The following PXDN variants were observed in gnomAD, a reference collection of about 807,000 sequenced individuals.
PXDN encodes peroxidasin.
In PXDN, 77 loss-of-function variants were observed where a neutral mutation model predicts 140.3. The observed-to-expected ratio is 0.55, with a 90% CI of 0.46 to 0.66. The LOEUF (loss-of-function observed/expected upper bound fraction) is 0.66. PXDN is among the 30% of genes least tolerant of loss of function. The probability of loss-of-function intolerance (pLI) is 0.00; values close to 1 mark genes in which losing one functional copy is unlikely to be tolerated. For missense variants in PXDN, 1,838 were observed against 2,039.5 expected, an observed-to-expected ratio of 0.90 and a Z score of 1.90; for synonymous variants, 911 against 857.4, an observed-to-expected ratio of 1.06 and a Z score of -1.09.
intron 1 of PXDN, among the ~76,000 whole-genome samples, chr2:1,721,396 T>C (rs559050861): frequency 6.7e-4 from 102 of 152,278 alleles, no homozygotes; most frequent in African/African-American, 2.3e-3. Context: ...GCAAAACAAA[T>C]GGATGAATCA....
Position 1,639,674 on chromosome 2 carries a change from C to A in PXDN, c.3953-252G>T, listed in dbSNP as rs1343196058. 6.6e-6 allele frequency among the ~76,000 whole-genome samples: 1 copy of A among 152,172 alleles called. No individual in the cohort carries two copies. The highest frequency in any genetic ancestry group is 1.9e-4 in the East Asian group (1 of 5,166). ...GCCGCCCTGAGGACAGCTGGGCACA[C>A]TGAGGAGGCTCACCACGCCATCTAA... On this transcript the variant is annotated intron_variant, in intron 19 of 22. Coordinates refer to ENST00000252804, the MANE Select transcript of PXDN (RefSeq NM_012293.3). This position sits in a 1 kb window ranked among gnomAD's most constrained non-coding sequence, Gnocchi z 5.0.
intron 6 of PXDN, among the ~76,000 whole-genome samples, chr2:1,681,529 G>C (rs754329747): frequency 6.6e-6 from 1 of 151,426 alleles, no homozygotes; most frequent in Non-Finnish European, 1.5e-5. Context: ...GGGCGGCAGC[G>C]TGAGGGCATC....
intron 12 of PXDN, 24 bp from the exon 13 acceptor site, chr2:1,662,208 CAGG>C: frequency 6.4e-7 from 1 of 1,551,936 alleles, no homozygotes; most frequent in Non-Finnish European, 8.8e-7. Context: ...GTAGAGAATC[CAGG>C]AGAACGAGTC....
At position 1,686,592 on chromosome 2, in the gene PXDN, C is replaced by CT. The variant is rs139630037; in HGVS notation, c.416+1039dup. 3.5e-3 allele frequency among the ~76,000 whole-genome samples: 535 copies of CT among 152,282 alleles called. 4 individuals carry two copies. Among genetic ancestry groups the CT allele is most frequent in the African/African-American group, 0.012 (503 of 41,572 alleles). On this transcript the variant is annotated intron_variant, in intron 4 of 22. Transcript: ENST00000252804. The stretch of plus-strand genomic sequence containing the variant: ...ATATGAGAACTTGCTCCTTTGCAAG[C>CT]TCTCCCTACATCTGGGTGTTCCCTG...
At chr2:1,721,443 A>C (rs1685049058) in intron 1 of PXDN, among the ~76,000 whole-genome samples, 1 of 152,248 alleles carries the variant, frequency 6.6e-6, no homozygotes, top group South Asian at 2.1e-4. Flanking sequence ...GGATTCAGCC[A>C]ACCAGCAGGC....
chr2:1,720,236 A>G (rs1220868116), intron 1 of PXDN, among the ~76,000 whole-genome samples: 5 of 109,940 alleles, frequency 4.5e-5, no homozygotes, highest in African/African-American at 1.2e-4. Context: ...AGAGAGAGAG[A>G]GAGGGAGGGA....
At position 1,660,236 on chromosome 2, in the gene PXDN, T is replaced by A. The variant is rs1683271008; in HGVS notation, c.1837+645A>T. 6.6e-6 allele frequency among the ~76,000 whole-genome samples: 1 copy of A among 151,822 alleles called. No individual in the cohort carries two copies. ...TCATGGGCATCATGGGGTCTGTGGG[T>A]TGAGAAAGAGGGGCCAGAGTGACCC... is the stretch of plus-strand genomic sequence containing the variant. On this transcript the variant is annotated intron_variant, in intron 14 of 22. Transcript: ENST00000252804. The surrounding 1 kb of genome is among the most constrained non-coding windows in gnomAD (Gnocchi z 4.6).
intron 1 of PXDN, 99 bp from the exon 2 acceptor site, chr2:1,693,233 A>G: frequency 1.0e-6 from 1 of 991,326 alleles, no homozygotes; most frequent in Non-Finnish European, 1.5e-6. Flanking sequence ...CAATGCATTT[A>G]AAATATTAAA....
At chr2:1,675,000 G>C (rs1572148465) in intron 8 of PXDN, among the ~76,000 whole-genome samples, 1 of 152,172 alleles carries the variant, frequency 6.6e-6, no homozygotes, top group Non-Finnish European at 1.5e-5. Context: ...AAACCGTCGG[G>C]AACACTCGAA....
chr2:1,743,362 C>G (rs1462010250), intron 1 of PXDN, among the ~76,000 whole-genome samples: 1 of 152,232 alleles, frequency 6.6e-6, no homozygotes, highest in Admixed American at 6.5e-5. Context: ...CCGGCTCCAT[C>G]TAGACCCGGG....
At chr2:1,679,040 G>A (rs1377164462) in intron 7 of PXDN, among the ~76,000 whole-genome samples, 1 of 152,122 alleles carries the variant, frequency 6.6e-6, no homozygotes, top group Admixed American at 6.5e-5. Context: ...CCATCACACA[G>A]GGAGATCCTT....
intron 3 of PXDN, among the ~76,000 whole-genome samples, chr2:1,688,734 T>C (rs989659829): frequency 6.6e-6 from 1 of 152,002 alleles, no homozygotes; most frequent in Non-Finnish European, 1.5e-5. Flanking sequence ...CTTTTCCTAC[T>C]TTTCAAATTC....
intron 11 of PXDN, 79 bp from the exon 12 acceptor site, chr2:1,663,842 A>G (rs575471058): frequency 1.9e-6 from 3 of 1,545,736 alleles, no homozygotes; most frequent in South Asian, 2.4e-5. Flanking sequence ...GCATGACCAC[A>G]GAAGCTTGTC....
intron 1 of PXDN, among the ~76,000 whole-genome samples, chr2:1,707,971 C>G (rs903916486): frequency 6.6e-6 from 1 of 152,268 alleles, no homozygotes; most frequent in Non-Finnish European, 1.5e-5. Context: ...GGAAACCAAA[C>G]GCAGGCAATC....
intron 7 of PXDN, among the ~76,000 whole-genome samples, chr2:1,678,577 G>C (rs759405604): frequency 1.3e-5 from 2 of 152,178 alleles, no homozygotes; most frequent in Non-Finnish European, 2.9e-5. Flanking sequence ...GCCATGAGTC[G>C]GTTTCTTGGA....
Position 1,679,630 on chromosome 2 carries a change from G to A in PXDN, c.730+563C>T, listed in dbSNP as rs1333462600. Among the ~76,000 whole-genome samples, 8 of 78,336 alleles carry A rather than the reference G, an allele frequency of 1.0e-4. No individual in the cohort carries two copies. The East Asian group carries it at 1.1e-3, about 11-fold the overall frequency. The allele number at this position is 78,336 out of a possible 152,430, so 51.4% of individuals were successfully genotyped here. A position where few individuals can be genotyped will look rare whatever the true frequency, so the allele number is the denominator to read the frequency against. Reference sequence around the variant, plus strand: ...GTGTGTGTGTGGTTTGTGTCTGCACGTGTGTGTGTCTATAAATGGTGTGTG... The same window carrying A: ...GTGTGTGTGTGGTTTGTGTCTGCACATGTGTGTGTCTATAAATGGTGTGTG... On this transcript the variant is annotated intron_variant, in intron 7 of 22. Transcript: ENST00000252804.
In PXDN at chr2:1,691,077, C is replaced by A. The variant is rs909343802; in HGVS notation, c.344+851G>T. 2.4e-4 allele frequency among the ~76,000 whole-genome samples: 37 copies of A among 152,142 alleles called. 1 individual carries two copies. The highest frequency in any genetic ancestry group is 2.4e-3 in the Admixed American group (37 of 15,280). On this transcript the variant is annotated intron_variant, in intron 3 of 22. Coordinates refer to ENST00000252804, the MANE Select transcript of PXDN (RefSeq NM_012293.3). ...CTATGTAACAAACCTGCACGTTCTG[C>A]ACAGGTATCCCAGAACTTAAAGTAA... is the stretch of plus-strand genomic sequence containing the variant.
At chr2:1,721,474 C>T (rs1366767158) in intron 1 of PXDN, among the ~76,000 whole-genome samples, 2 of 152,194 alleles carry the variant, frequency 1.3e-5, no homozygotes, top group African/African-American at 4.8e-5. Context: ...TCTTCACAAA[C>T]CAAGCCCAGG....
In PXDN at chr2:1,687,270, CCT is replaced by C. The variant is rs980188232; in HGVS notation, c.416+360_416+361del. ...CTCCCCGGGCACCCTGGATATTTCCCCTGTGAAGGATGCCTTGATCGGACTTG... is the reference window on the plus strand; with the variant it reads ...CTCCCCGGGCACCCTGGATATTTCCCGTGAAGGATGCCTTGATCGGACTTG... On this transcript the variant is annotated intron_variant, in intron 4 of 22. Transcript: ENST00000252804. The surrounding 1 kb of genome is among the most constrained non-coding windows in gnomAD (Gnocchi z 4.0). 1.3e-5 allele frequency among the ~76,000 whole-genome samples: 2 copies of C among 152,342 alleles called. No individual in the cohort carries two copies. The highest frequency in any genetic ancestry group is 2.9e-5 in the Non-Finnish European group (2 of 68,040).
Sources: gnomAD v4.1 joint callset for allele counts (sites outside exome capture counted in the v4.1 genomes callset) on GRCh38, gnomAD v4.1.1 for gene constraint, Gnocchi (gnomAD v3.1) non-coding constraint, MANE v1.5 for transcripts, NCBI Gene and HGNC (gene_info 2026-07-23, HGNC 2026-07-21) for gene names.